ATG4A: variants seen among roughly 807,000 people sequenced by gnomAD.
ATG4A encodes cysteine protease ATG4A.
In ATG4A, 22 loss-of-function variants were observed where a neutral mutation model predicts 38.4. The ratio of observed to expected loss-of-function variants is 0.57; its 90% CI spans 0.41 to 0.82. ATG4A has a LOEUF of 0.82. Ranked by LOEUF, ATG4A falls within the 40% of genes least tolerant of loss-of-function variation. The probability of loss-of-function intolerance (pLI) is 0.00; values close to 1 mark genes in which losing one functional copy is unlikely to be tolerated. For synonymous variants in ATG4A, 86 were observed against 100.7 expected, an observed-to-expected ratio of 0.85 and a Z score of 0.88; for missense variants, 220 against 290.0, an observed-to-expected ratio of 0.76 and a Z score of 1.75.
At chrX:108,089,979 T>C (rs1018983215), upstream of ATG4A, among the ~76,000 whole-genome samples, 3 of 112,183 alleles carry the variant, frequency 2.7e-5, no homozygotes, top group Non-Finnish European at 5.6e-5. Context: ...TACAAAAAAA[T>C]TTCAAACACA....
chrX:108,106,870 TTCA>T (rs1473970141), intron 1 of ATG4A, among the ~76,000 whole-genome samples: 1 of 111,822 alleles, frequency 8.9e-6, no homozygotes, highest in Non-Finnish European at 1.9e-5. Context: ...TACTGTGGAA[TTCA>T]TTGGATTTAT....
intron 2 of ATG4A, chrX:108,127,004 G>T (rs969569676): frequency 4.1e-6 from 1 of 243,439 alleles, no homozygotes; most frequent in African/African-American, 2.9e-5. Flanking sequence ...CCTGAGCCTG[G>T]CTTCATTATT....
At chrX:108,112,963 G>A (rs775192624) in intron 1 of ATG4A, among the ~76,000 whole-genome samples, 6 of 109,876 alleles carry the variant, frequency 5.5e-5, no homozygotes, top group Non-Finnish European at 1.1e-4. Context: ...ACCTACTTTT[G>A]TAAAATTGAC....
intron 6 of ATG4A, among the ~76,000 whole-genome samples, chrX:108,135,363 C>T (rs1233884137): frequency 1.8e-5 from 2 of 112,207 alleles, no homozygotes; most frequent in Admixed American, 9.4e-5. Flanking sequence ...ATATTAAGCT[C>T]CTGGGCATTA....
intron 9 of ATG4A, among the ~76,000 whole-genome samples, chrX:108,140,207 C>T (rs925967016): frequency 3.6e-5 from 4 of 111,401 alleles, no homozygotes; most frequent in East Asian, 2.8e-4. Flanking sequence ...TTGATGTAGC[C>T]CTCCTGTTTC....
At chrX:108,118,222 C>T (rs573784194) in intron 1 of ATG4A, among the ~76,000 whole-genome samples, 1 of 111,978 alleles carries the variant, frequency 8.9e-6, no homozygotes, top group African/African-American at 3.2e-5. Flanking sequence ...GTTATATAAC[C>T]AGAGCATCTG....
chrX:108,096,710 TGTTA>T (rs2031835304), intron 1 of ATG4A, among the ~76,000 whole-genome samples: 1 of 110,820 alleles, frequency 9.0e-6, no homozygotes, highest in Admixed American at 9.7e-5. Context: ...TGTTATGTTA[TGTTA>T]TTTATGTGAC....
chrX:108,143,547 T>TC (rs752949198), intron 9 of ATG4A, among the ~76,000 whole-genome samples: 2 of 111,788 alleles, frequency 1.8e-5, no homozygotes, highest in South Asian at 7.7e-4. Flanking sequence ...ATCTTGATAG[T>TC]CCAAGTCAGT....
chrX:108,134,210 C>G (rs2033038361), intron 5 of ATG4A, 52 bp downstream of exon 5: 1 of 1,131,142 alleles, frequency 8.8e-7, no homozygotes. Context: ...TGTTCCTTCT[C>G]TTCCCTTGCC....
chrX:108,123,282 C>G (rs1203165292), intron 1 of ATG4A, among the ~76,000 whole-genome samples: 1 of 112,001 alleles, frequency 8.9e-6, no homozygotes, highest in Non-Finnish European at 1.9e-5. Flanking sequence ...TTTAAACAGA[C>G]AGAAAAGGCA....
chrX:108,133,802 C>G (rs2033026032), intron 4 of ATG4A, among the ~76,000 whole-genome samples: 1 of 112,027 alleles, frequency 8.9e-6, no homozygotes, highest in African/African-American at 3.3e-5. Context: ...AGCTCCAGCC[C>G]TTGGGTTAAG....
In ATG4A at chrX:108,112,542, G is replaced by C. The variant is rs1175991030; in HGVS notation, c.11-13535G>C. ...CAGTAGCTGGGATTACAGGCGCCCG[G>C]CACTACGCCCGGCTAATTTTTTTTT... On this transcript the variant is annotated intron_variant, in intron 1 of 12. Transcript: ENST00000372232. 9.1e-5 allele frequency among the ~76,000 whole-genome samples: 10 copies of C among 109,791 alleles called. No homozygotes were observed. The South Asian group carries it at 2.4e-3, about 26-fold the overall frequency.
intron 1 of ATG4A, among the ~76,000 whole-genome samples, chrX:108,100,170 T>C (rs2031960015): frequency 1.8e-5 from 2 of 111,655 alleles, no homozygotes. Context: ...AAATCTTGTA[T>C]GTTTTGTTAG....
intron 9 of ATG4A, among the ~76,000 whole-genome samples, chrX:108,146,304 A>C (rs928716470): frequency 9.0e-6 from 1 of 111,717 alleles, no homozygotes; most frequent in African/African-American, 3.3e-5. Context: ...TTAAGTAGGA[A>C]TGCAGTAGGC....
chrX:108,140,997 T>TACATATATATACGTATATATAC lies in ATG4A; in HGVS notation c.814+2819_814+2840dup, dbSNP rs1569311465. Among the ~76,000 whole-genome samples the TACATATATATACGTATATATAC allele has an allele frequency of 5.7e-3, 473 of 82,290 alleles. 8 individuals carry two copies. The highest frequency in any genetic ancestry group is 0.034 in the East Asian group (98 of 2,858). 71.5% of individuals were successfully genotyped at this position (82,290 alleles called of 115,157 possible). A position where few individuals can be genotyped will look rare whatever the true frequency, so the allele number is the denominator to read the frequency against. On this transcript the variant is annotated intron_variant, in intron 9 of 12. Transcript: ENST00000372232. ...ATACACATATATATACGTATATATA[T>TACATATATATACGTATATATAC]ACATATATATACGTATATATACACA...
At chrX:108,142,614 GC>G (rs1190162789) in intron 9 of ATG4A, among the ~76,000 whole-genome samples, 2 of 110,760 alleles carry the variant, frequency 1.8e-5, no homozygotes, top group African/African-American at 6.6e-5. Context: ...AGCAAGGAGA[GC>G]CAGTCTGAGT....
intron 1 of ATG4A, among the ~76,000 whole-genome samples, chrX:108,094,527 C>T (rs745588136): frequency 1.9e-4 from 21 of 111,461 alleles, no homozygotes; most frequent in Non-Finnish European, 3.4e-4. Context: ...CACTTTCTCA[C>T]ACTTTTCTTG....
chrX:108,112,571 T>G (rs1170888533), intron 1 of ATG4A, among the ~76,000 whole-genome samples: 1 of 110,059 alleles, frequency 9.1e-6, no homozygotes, highest in Admixed American at 9.6e-5. Context: ...TTTTTTTGTA[T>G]TTTTTAGTAG....
chrX:108,137,109 C>G lies in ATG4A; in HGVS notation c.486C>G (p.Asp162Glu). ...AQVLKKLALF[D>E]EWNSLAVYVS... ...TTTGCAGAAAACTTGCTTTATTTGA[C>G]GAATGGAATTCCTTGGCTGTTTATG... is the stretch of plus-strand genomic sequence containing the variant. The change falls in exon 7 of 13, where the codon GAC (aspartate) becomes GAG (glutamate). Residue 162 changes from aspartate to glutamate, a missense_variant. By Grantham distance (45) the Asp-to-Glu change is conservative. Around this residue, in one of 3 missense-constraint regions of ATG4A, gnomAD observed 159 missense variants for 188.9 expected, o/e 0.84. Transcript: ENST00000372232. The G allele has an allele frequency of 8.3e-7, 1 of 1,206,695 alleles. No homozygotes were observed. Among genetic ancestry groups the G allele is most frequent in the South Asian group, 1.8e-5 (1 of 56,509 alleles).
Sources: allele counts gnomAD v4.1 joint callset (sites outside exome capture counted in the v4.1 genomes callset), GRCh38; gene constraint gnomAD v4.1.1; regional missense constraint gnomAD v4.1.1; transcripts MANE v1.5; gene names NCBI Gene and HGNC (gene_info 2026-07-23, HGNC 2026-07-21).